Variants in ANLN observed in about 807,000 individuals in gnomAD.
ANLN encodes the protein anillin.
ANLN carries 59 observed loss-of-function variants against 135.1 expected under a neutral mutation model. The observed-to-expected ratio is 0.44, with a 90% CI of 0.35 to 0.54. The LOEUF is 0.54. Ranked by LOEUF, ANLN falls within the 20% of genes least tolerant of loss-of-function variation. The pLI is 0.00. For missense variants in ANLN, 1,182 were observed against 1,340.0 expected, an observed-to-expected ratio of 0.88 and a Z score of 1.84; for synonymous variants, 406 against 456.4, an observed-to-expected ratio of 0.89 and a Z score of 1.41.
chr7:36,417,243 A>C, intron 9 of ANLN, 53 bp downstream of exon 9: 1 of 979,062 alleles, frequency 1.0e-6, no homozygotes, highest in Non-Finnish European at 1.6e-6. Context: ...ATAGGAAATA[A>C]TATATTGATA....
At chr7:36,402,691 T>C (rs1026458590) in intron 3 of ANLN, among the ~76,000 whole-genome samples, 4 of 152,170 alleles carry the variant, frequency 2.6e-5, no homozygotes, top group Non-Finnish European at 5.9e-5. Context: ...GAATAGGATC[T>C]ACTTATACAC....
At chr7:36,391,206 T>C (rs1374310453) in intron 1 of ANLN, among the ~76,000 whole-genome samples, 1 of 152,230 alleles carries the variant, frequency 6.6e-6, no homozygotes, top group East Asian at 1.9e-4. Context: ...CTAGAGCCTA[T>C]TTTTGTATTA....
chr7:36,440,874 G>T (rs571129090), intron 21 of ANLN, among the ~76,000 whole-genome samples: 14 of 152,306 alleles, frequency 9.2e-5, no homozygotes, highest in African/African-American at 3.4e-4. Flanking sequence ...TGTTCTCTGT[G>T]AAGCAAGAAC....
At chr7:36,442,941 T>TG (rs1300106933) in intron 21 of ANLN, among the ~76,000 whole-genome samples, 2 of 122,550 alleles carry the variant, frequency 1.6e-5, no homozygotes, top group Non-Finnish European at 3.8e-5. Flanking sequence ...TTTTGTTTGT[T>TG]GTTTTTTTTT....
At chr7:36,395,813 G>A (rs191539082) in intron 1 of ANLN, among the ~76,000 whole-genome samples, 125 of 152,074 alleles carry the variant, frequency 8.2e-4, no homozygotes, top group Admixed American at 3.0e-3. Context: ...ACCATCACCT[G>A]GGCCATGTGT....
rs761089481 is a variant in ANLN at position 36,424,780 on chromosome 7, A to G, written c.2709+38A>G. The G allele has an allele frequency of 4.5e-6, 7 of 1,568,780 alleles. No individual in the cohort carries two copies. In the East Asian group the frequency reaches 9.0e-5, roughly 20 times the overall value. On this transcript the variant is annotated intron_variant, in intron 17 of 23. Coordinates refer to ENST00000265748, the MANE Select transcript of ANLN (RefSeq NM_018685.5). ...GAAACCCAGTAAAAATATTTTCATC[A>G]GAAGTAATAGATATCATCATACCAG... is the stretch of plus-strand genomic sequence containing the variant.
intron 20 of ANLN, 64 bp from the exon 21 acceptor site, chr7:36,439,140 G>T: frequency 2.1e-6 from 2 of 931,182 alleles, no homozygotes; most frequent in South Asian, 2.8e-5. Flanking sequence ...ATTTATACAT[G>T]ATTTATCAAG....
intron 1 of ANLN, among the ~76,000 whole-genome samples, chr7:36,391,887 A>G (rs1786483910): frequency 6.6e-6 from 1 of 152,100 alleles, no homozygotes. Context: ...CTTTTCCTCA[A>G]ACAAGACTGT....
chr7:36,420,335 C>T, intron 11 of ANLN, 21 bp downstream of exon 11: 3 of 1,611,830 alleles, frequency 1.9e-6, no homozygotes, highest in Non-Finnish European at 2.5e-6. Flanking sequence ...TTCTGGAAGG[C>T]ATTCACTCAC....
chr7:36,394,168 T>C (rs890321827), intron 1 of ANLN, among the ~76,000 whole-genome samples: 1 of 152,240 alleles, frequency 6.6e-6, no homozygotes, highest in African/African-American at 2.4e-5. Flanking sequence ...CTTGCTTTGT[T>C]GCCTAGGCTT....
chr7:36,393,842 C>T (rs1461768562), intron 1 of ANLN, among the ~76,000 whole-genome samples: 1 of 152,200 alleles, frequency 6.6e-6, no homozygotes, highest in African/African-American at 2.4e-5. Context: ...TTGCTTATCT[C>T]AAGGTCAGTG....
chr7:36,449,372 C>G (rs892721007), intron 22 of ANLN: 3 of 194,842 alleles, frequency 1.5e-5, no homozygotes, highest in Admixed American at 6.0e-5. Flanking sequence ...GGTTTTGGTA[C>G]CTGGGGCTCA....
chr7:36,399,207 G>T lies in ANLN; in HGVS notation c.301G>T (p.Val101Leu), dbSNP rs749575998. The T allele has an allele frequency of 6.2e-7, 1 of 1,614,116 alleles. No individual in the cohort carries two copies. Among genetic ancestry groups the T allele is most frequent in the South Asian group, 1.1e-5 (1 of 91,082 alleles). ...TGCAAAATCTTGTTCTCCAAGTCCT[G>T]TGTCTCCTCAGGTGCAGCCACAAGC... The part of the protein sequence containing the change: ...TSAKSCSPSP[V>L]SPQVQPQAAD... Residue 101 changes from valine (V) to leucine (L), a missense_variant, in exon 3 of 24, where the codon GTG becomes TTG. Physicochemically the swap from Val to Leu is conservative, Grantham distance 32 (BLOSUM62 1). Transcript: ENST00000265748.
rs561084561 is a variant in ANLN at position 36,409,587 on chromosome 7, G to A, written c.1097-927G>A. On this transcript the variant is annotated intron_variant, in intron 5 of 23. Coordinates refer to ENST00000265748, the MANE Select transcript of ANLN (RefSeq NM_018685.5). ...CAACCTTAGAATCCTCTTAATGGGA[G>A]TGATATAGGCCCAATTTGCCCTACT... Among the ~76,000 whole-genome samples, 12 of 152,222 alleles carry A rather than the reference G, an allele frequency of 7.9e-5. 1 individual carries two copies. Among genetic ancestry groups the A allele is most frequent in the Admixed American group, 7.9e-4 (12 of 15,280 alleles).
At chr7:36,415,718 T>A in intron 7 of ANLN, 40 bp from the exon 8 acceptor site, 1 of 1,540,424 alleles carries the variant, frequency 6.5e-7, no homozygotes, top group South Asian at 1.3e-5. Context: ...AAATATATAG[T>A]TTTGAGAAAT....
rs547212629 is a variant in ANLN, at chr7:36,426,969, G to A, written c.2824G>A (p.Val942Ile). 4 of 1,613,526 alleles carry A rather than the reference G, an allele frequency of 2.5e-6. No individual in the cohort carries two copies. The South Asian group carries it at 4.4e-5, about 18-fold the overall frequency. Residue 942 changes from valine to isoleucine, a missense_variant, in exon 20 of 24, where the codon GTT (valine) becomes ATT (isoleucine). By Grantham distance (29) the Val-to-Ile change is conservative. Around this residue, in one of 3 missense-constraint regions of ANLN, gnomAD observed 1,022 missense variants for 1,134.0 expected, o/e 0.90. Transcript: ENST00000265748. ...TGTGCGAACCAGCAACTTCGCCCTT[G>A]TTGGATCTTACACATTATCATTGTC... ...SAVRTSNFAL[V>I]GSYTLSLSSV...
At chr7:36,432,717 T>C (rs1788384366) in intron 20 of ANLN, among the ~76,000 whole-genome samples, 1 of 152,262 alleles carries the variant, frequency 6.6e-6, no homozygotes, top group African/African-American at 2.4e-5. Flanking sequence ...TCTGGATTAA[T>C]TGAGTATTTT....
intron 19 of ANLN, 49 bp downstream of exon 19, chr7:36,426,085 A>G (rs2116693506): frequency 3.0e-6 from 4 of 1,319,238 alleles, no homozygotes; most frequent in Non-Finnish European, 4.1e-6. Context: ...GTAAGGAATT[A>G]AGCACTTGCA....
chr7:36,420,871 G>C (rs1351508224), intron 12 of ANLN, 127 bp downstream of exon 12: 4 of 831,796 alleles, frequency 4.8e-6, no homozygotes, highest in Non-Finnish European at 7.4e-6. Context: ...CTGATGCATA[G>C]AAGCTCAGTA....
Sources: allele counts gnomAD v4.1 joint callset (sites outside exome capture counted in the v4.1 genomes callset), GRCh38; gene constraint gnomAD v4.1.1; regional missense constraint gnomAD v4.1.1; transcripts MANE v1.5; gene names NCBI Gene and HGNC (gene_info 2026-07-23, HGNC 2026-07-21).